Variants in CEP290 observed in about 807,000 individuals in gnomAD.
CEP290 encodes the protein centrosomal protein 290, also known as centrosomal protein of 290 kDa.
CEP290 carries 317 observed loss-of-function variants against 344.9 expected under a neutral mutation model. The ratio of observed to expected loss-of-function variants is 0.92; its 90% CI spans 0.84 to 1.01. CEP290 has a LOEUF of 1.01. Among genes scored for constraint, CEP290 ranks in the 50% least tolerant of loss-of-function variants. The pLI is 0.00. For synonymous variants in CEP290, 932 were observed against 895.8 expected (o/e 1.04, Z -0.72); for missense variants, 2,754 against 2,761.4 (o/e 1.00, Z 0.06).
intron 43 of CEP290, among the ~76,000 whole-genome samples, chr12:88,069,132 C>G (rs2035173026): frequency 6.6e-6 from 1 of 152,100 alleles, no homozygotes; most frequent in Non-Finnish European, 1.5e-5. Context: ...TTGCCACCTC[C>G]ACATCTATCC....
chr12:88,082,469 G>A (rs967731353), intron 37 of CEP290, among the ~76,000 whole-genome samples: 2 of 152,148 alleles, frequency 1.3e-5, no homozygotes, highest in African/African-American at 4.8e-5. Context: ...GAAGTGGGCG[G>A]ATCACTTGAG....
At position 88,071,860 on chromosome 12, in the gene CEP290, G is replaced by A. The variant is rs561598805; in HGVS notation, c.5776C>T (p.Arg1926Ter). 23 of 1,602,404 alleles carry A rather than the reference G, an allele frequency of 1.4e-5. No homozygotes were observed. The highest frequency in any genetic ancestry group is 2.3e-5 in the East Asian group (1 of 43,942). The change falls in exon 42 of 54, where the codon CGA becomes TGA. Residue 1926 changes from arginine (R) to a stop codon, truncating the protein, a stop_gained. Transcript: ENST00000552810. LOFTEE classifies it high-confidence loss of function. ...KKWQAKIEGI[R>*]NKLKEKEGEV... ...CCCTCTTTCTCTTTTAACTTGTTTC[G>A]AATTCCTTCTATTTTGGCTTGCCAC... is the stretch of plus-strand genomic sequence containing the variant.
chr12:88,100,972 C>A (rs1006775984), intron 26 of CEP290, among the ~76,000 whole-genome samples: 2 of 152,138 alleles, frequency 1.3e-5, no homozygotes, highest in African/African-American at 2.4e-5. Flanking sequence ...GGGGACTTGA[C>A]TTTTACCCTT....
intron 27 of CEP290, 79 bp from the exon 28 acceptor site, chr12:88,094,054 GA>G (rs1171437221): frequency 1.0e-5 from 11 of 1,084,500 alleles, no homozygotes; most frequent in Non-Finnish European, 1.4e-5. Context: ...CTGTATATTA[GA>G]AAGCATTATA....
chr12:88,099,338 C>T (rs773870372), intron 26 of CEP290, among the ~76,000 whole-genome samples: 5 of 152,010 alleles, frequency 3.3e-5, no homozygotes, highest in Non-Finnish European at 5.9e-5. Context: ...ATTGTGGACA[C>T]GTTAAATTTG....
At position 88,114,428 on chromosome 12, in the gene CEP290, G is replaced by A; in HGVS notation, c.2044C>T (p.Leu682=). The A allele has an allele frequency of 6.5e-7, 1 of 1,541,414 alleles. No individual in the cohort carries two copies. The highest frequency in any genetic ancestry group is 8.7e-7 in the Non-Finnish European group (1 of 1,143,718). Residue 682 remains leucine (L), a synonymous_variant, in exon 20 of 54, where the codon CTA becomes TTA. Coordinates refer to ENST00000552810, the MANE Select transcript of CEP290 (RefSeq NM_025114.4). The part of the protein sequence containing the change: ...TSLIIPSLER[L]VNAIESKNAE... ...TGAAAAAAATAACTTACATTAACTA[G>A]TCTTTCAAGGCTAGGGATAATTAGA...
intron 52 of CEP290, chr12:88,051,754 C>T (rs1295977830): frequency 6.6e-6 from 1 of 152,096 alleles, no homozygotes; most frequent in Non-Finnish European, 1.5e-5. Flanking sequence ...AAGCTAAGCA[C>T]TGTTGGGCCT....
Position 88,056,279 on chromosome 12 carries a change from G to GA in CEP290, c.6819-563dup, listed in dbSNP as rs555367064. On this transcript the variant is annotated intron_variant, in intron 49 of 53. Coordinates refer to ENST00000552810, the MANE Select transcript of CEP290 (RefSeq NM_025114.4). ...ATAGTTCAAAAAAATACAGACTCCA[G>GA]AAAAAAAAAATTCATAATTGAACCA... Among the ~76,000 whole-genome samples, 268 of 147,188 alleles carry GA rather than the reference G, an allele frequency of 1.8e-3. 2 individuals carry two copies. The highest frequency in any genetic ancestry group is 4.7e-3 in the African/African-American group (188 of 40,302).
chr12:88,105,569 T>A (rs746612861), intron 25 of CEP290, among the ~76,000 whole-genome samples: 5 of 152,308 alleles, frequency 3.3e-5, no homozygotes, highest in East Asian at 1.9e-4. Context: ...ACTAGAAAAT[T>A]ATGATGTTTG....
intron 28 of CEP290, 112 bp from the exon 29 acceptor site, chr12:88,092,944 TTA>T (rs1374339211): frequency 1.1e-6 from 1 of 941,334 alleles, no homozygotes; most frequent in East Asian, 2.5e-5. Context: ...AGTTCACATA[TTA>T]TATTAAGTGT....
At chr12:88,128,799 T>C in intron 11 of CEP290, 147 bp downstream of exon 11, 1 of 492,734 alleles carries the variant, frequency 2.0e-6, no homozygotes, top group Non-Finnish European at 3.4e-6. Flanking sequence ...CTAGAGCTTT[T>C]CTAACCAATA....
At position 88,068,568 on chromosome 12, in the gene CEP290, T is replaced by C; in HGVS notation, c.6089A>G (p.His2030Arg). Residue 2030 changes from histidine to arginine, a missense_variant, in exon 44 of 54, where the codon CAT becomes CGT. Coordinates refer to ENST00000552810, the MANE Select transcript of CEP290 (RefSeq NM_025114.4). ...CTTTGAAAACTGTTTTTCTAAAGCA[T>C]GAAGTTTTTCTTGGAGGTATCTATT... ...LQNRYLQEKL[H>R]ALEKQFSKDT... 2 of 1,587,590 alleles carry C rather than the reference T, an allele frequency of 1.3e-6. No homozygotes were observed. Among genetic ancestry groups the C allele is most frequent in the Non-Finnish European group, 1.7e-6 (2 of 1,168,396 alleles).
At chr12:88,111,408 AT>A in intron 21 of CEP290, 57 bp from the exon 22 acceptor site, 1 of 1,463,348 alleles carries the variant, frequency 6.8e-7, no homozygotes, top group South Asian at 1.4e-5. Context: ...AGAAAGACAA[AT>A]TGACAGATAT....
intron 49 of CEP290, among the ~76,000 whole-genome samples, chr12:88,056,678 C>T (rs2034029541): frequency 6.6e-6 from 1 of 152,134 alleles, no homozygotes; most frequent in Non-Finnish European, 1.5e-5. Flanking sequence ...CCCCACATCA[C>T]CCTGGTTTGT....
intron 6 of CEP290, among the ~76,000 whole-genome samples, chr12:88,131,511 C>T (rs969107775): frequency 1.3e-5 from 2 of 152,040 alleles, no homozygotes; most frequent in Admixed American, 1.3e-4. Flanking sequence ...GATCCATCTG[C>T]CTCAACCTCC....
chr12:88,117,984 A>C (rs886446977), intron 17 of CEP290, among the ~76,000 whole-genome samples: 1 of 151,908 alleles, frequency 6.6e-6, no homozygotes, highest in African/African-American at 2.4e-5. Flanking sequence ...TGCAATGAGC[A>C]AGATCGCACC....
At chr12:88,128,586 A>C (rs892254681) in intron 11 of CEP290, among the ~76,000 whole-genome samples, 1 of 152,156 alleles carries the variant, frequency 6.6e-6, no homozygotes, top group Non-Finnish European at 1.5e-5. Context: ...AGAAAAACTA[A>C]AATTAAACCT....
chr12:88,137,126 C>G (rs2040394357), intron 5 of CEP290, among the ~76,000 whole-genome samples: 1 of 152,096 alleles, frequency 6.6e-6, no homozygotes, highest in Non-Finnish European at 1.5e-5. Context: ...CCATCAGAAT[C>G]TCCACCCCAG....
rs562224091 is a variant in CEP290, at chr12:88,116,891, A to G, written c.1824+142T>C. The G allele has an allele frequency of 4.2e-4, 192 of 453,240 alleles. 2 individuals are homozygous for G. In the East Asian group the frequency reaches 7.5e-3, roughly 18 times the overall value. 28.1% of individuals were successfully genotyped at this position (453,240 alleles called of 1,614,324 possible). A position where few individuals can be genotyped will look rare whatever the true frequency, so the allele number is the denominator to read the frequency against. On this transcript the variant is annotated intron_variant, in intron 18 of 53. Coordinates refer to ENST00000552810, the MANE Select transcript of CEP290 (RefSeq NM_025114.4). ...TGGGAGGCTGAGGCAGGAGAATGGC[A>G]TGAACCCGGGAGGCGGAGCTTGCAG...
Sources: gnomAD v4.1 joint callset for allele counts (sites outside exome capture counted in the v4.1 genomes callset) on GRCh38, gnomAD v4.1.1 for gene constraint, MANE v1.5 for transcripts, NCBI Gene and HGNC (gene_info 2026-07-23, HGNC 2026-07-21) for gene names.